Variants in FYTTD1 observed in about 807,000 individuals in gnomAD.
FYTTD1 encodes the protein UAP56-interacting factor.
FYTTD1 carries 22 observed loss-of-function variants against 40.9 expected under a neutral mutation model. The ratio of observed to expected loss-of-function variants is 0.54; its 90% CI spans 0.38 to 0.77. The LOEUF (loss-of-function observed/expected upper bound fraction) is 0.77, where lower values mean the gene tolerates loss of function less well. Ranked by LOEUF, FYTTD1 falls within the 30% of genes least tolerant of loss-of-function variation. The pLI, the probability that FYTTD1 is intolerant of heterozygous loss-of-function variation, is 0.00. For missense variants in FYTTD1, 351 were observed against 392.2 expected (o/e 0.90, Z 0.89); for synonymous variants, 140 against 137.9 (o/e 1.01, Z -0.10).
chr3:197,774,722 G>A (rs545001595), intron 6 of FYTTD1, among the ~76,000 whole-genome samples: 1 of 151,322 alleles, frequency 6.6e-6, no homozygotes, highest in African/African-American at 2.4e-5. Context: ...ACCAGCCTGA[G>A]CAGCATAGCT....
intron 8 of FYTTD1, among the ~76,000 whole-genome samples, chr3:197,779,131 C>T (rs1448284831): frequency 1.3e-5 from 2 of 152,130 alleles, no homozygotes; most frequent in Non-Finnish European, 2.9e-5. Flanking sequence ...ATTGTCAAAA[C>T]CAACCAGGTG....
At chr3:197,778,614 C>CAT (rs1216744014) in intron 8 of FYTTD1, 150 bp downstream of exon 8, 3 of 589,550 alleles carry the variant, frequency 5.1e-6, no homozygotes, top group Admixed American at 6.5e-5. Context: ...TGCCATTTGC[C>CAT]TATTTTGACA....
At chr3:197,781,426 A>C (rs1240221491) in intron 8 of FYTTD1, among the ~76,000 whole-genome samples, 2 of 151,982 alleles carry the variant, frequency 1.3e-5, no homozygotes, top group African/African-American at 2.4e-5. Context: ...AAAAAAAAAA[A>C]CAGATTTTCA....
chr3:197,773,318 G>T, intron 4 of FYTTD1, 85 bp from the exon 5 acceptor site: 8 of 742,968 alleles, frequency 1.1e-5, no homozygotes, highest in East Asian at 2.8e-5. Context: ...TGCAGCCTAT[G>T]AATTTAACTA....
intron 1 of FYTTD1, among the ~76,000 whole-genome samples, chr3:197,753,948 G>T (rs1456076123): frequency 2.0e-5 from 3 of 151,966 alleles, no homozygotes; most frequent in Non-Finnish European, 4.4e-5. Flanking sequence ...CACCATATTA[G>T]CCAGGATGGT....
chr3:197,772,184 G>C (rs1015866857), intron 4 of FYTTD1, among the ~76,000 whole-genome samples: 2 of 152,348 alleles, frequency 1.3e-5, no homozygotes, highest in African/African-American at 4.8e-5. Context: ...TACCTTTTGT[G>C]AAAGGGGACC....
chr3:197,753,625 G>C (rs1729130525), intron 1 of FYTTD1, among the ~76,000 whole-genome samples: 3 of 151,796 alleles, frequency 2.0e-5, no homozygotes, highest in Non-Finnish European at 4.4e-5. Context: ...TCTCGGCCAT[G>C]GTAGCTCATT....
At position 197,785,766 on chromosome 3, in the gene FYTTD1, A is replaced by G. The variant is rs929909520; in HGVS notation, c.*3857A>G. 1 of 152,180 alleles carries G rather than the reference A, an allele frequency of 6.6e-6. No individual in the cohort carries two copies. The highest frequency in any genetic ancestry group is 1.5e-5 in the Non-Finnish European group (1 of 68,028). 9.4% of individuals were successfully genotyped at this position (152,180 alleles called of 1,614,324 possible). Reference sequence around the variant, plus strand: ...CTTGGCAGCACAGAAAATGAATACCATATTGGCAATATTAAAGCAGAAAAT... The same window carrying G: ...CTTGGCAGCACAGAAAATGAATACCGTATTGGCAATATTAAAGCAGAAAAT... On this transcript the variant is annotated 3_prime_UTR_variant, in exon 9 of 9. Coordinates refer to ENST00000241502, the MANE Select transcript of FYTTD1 (RefSeq NM_032288.7).
chr3:197,763,569 G>A (rs1729453457), intron 2 of FYTTD1: 1 of 447,316 alleles, frequency 2.2e-6, no homozygotes, highest in Non-Finnish European at 4.5e-6. Context: ...TTAAGCCAAG[G>A]ACTTCAGGAC....
At chr3:197,765,880 C>G (rs566446146) in intron 2 of FYTTD1, among the ~76,000 whole-genome samples, 1 of 152,186 alleles carries the variant, frequency 6.6e-6, no homozygotes, top group South Asian at 2.1e-4. Context: ...CCTGTAGTAC[C>G]AGCTACTTGG....
At chr3:197,773,153 T>C (rs1729766120) in intron 4 of FYTTD1, among the ~76,000 whole-genome samples, 1 of 152,202 alleles carries the variant, frequency 6.6e-6, no homozygotes, top group Non-Finnish European at 1.5e-5. Flanking sequence ...ATATATGGGA[T>C]ATTAGAGGAT....
At chr3:197,778,220 C>G (rs751582335) in intron 7 of FYTTD1, 118 bp from the exon 8 acceptor site, 3 of 648,042 alleles carry the variant, frequency 4.6e-6, no homozygotes, top group Non-Finnish European at 7.2e-6. Context: ...TTTTTGAGAA[C>G]ACAAATAAAA....
In FYTTD1 at chr3:197,778,391, G is replaced by T; in HGVS notation, c.785G>T (p.Arg262Leu). 6.2e-7 allele frequency: 1 copy of T among 1,611,954 alleles called. No homozygotes were observed. Among genetic ancestry groups the T allele is most frequent in the Non-Finnish European group, 8.5e-7 (1 of 1,178,344 alleles). ...RTAVPSFLTK[R>L]EQSDVKKVPK... ...GCTGTACCTTCATTTTTAACAAAGC[G>T]GGAGCAAAGTGACGTCAAGAAAGTT... Residue 262 changes from arginine to leucine, a missense_variant, in exon 8 of 9, where the codon CGG becomes CTG. Physicochemically the swap from Arg to Leu is moderately radical, Grantham distance 102. Transcript: ENST00000241502.
At chr3:197,770,630 T>C (rs602446) in intron 4 of FYTTD1, among the ~76,000 whole-genome samples, 131,316 of 152,196 alleles carry the variant, frequency 0.86, 56,778 homozygotes, top group East Asian at 1. Context: ...CCTGGAGCCT[T>C]GGCCTGCCCT....
chr3:197,781,415 TA>T (rs745465857), intron 8 of FYTTD1, among the ~76,000 whole-genome samples: 4,567 of 146,298 alleles, frequency 0.031, 106 homozygotes, highest in African/African-American at 0.079. Flanking sequence ...CTGTTGTTAA[TA>T]AAAAAAAAAA....
At chr3:197,762,758 T>G (rs947222731) in intron 2 of FYTTD1, among the ~76,000 whole-genome samples, 1 of 152,014 alleles carries the variant, frequency 6.6e-6, no homozygotes, top group Non-Finnish European at 1.5e-5. Context: ...AGCGGGCACC[T>G]GTAGTCCCAG....
At position 197,786,637 on chromosome 3, in the gene FYTTD1, A is replaced by G. The variant is rs1204035084; in HGVS notation, c.*4728A>G. The G allele has an allele frequency of 6.6e-6, 1 of 152,202 alleles. No homozygotes were observed. The highest frequency in any genetic ancestry group is 1.5e-5 in the Non-Finnish European group (1 of 68,030). The allele number at this position is 152,202 out of a possible 1,614,324, so 9.4% of individuals were successfully genotyped here. A position where few individuals can be genotyped will look rare whatever the true frequency, so the allele number is the denominator to read the frequency against. On this transcript the variant is annotated 3_prime_UTR_variant, in exon 9 of 9. Coordinates refer to ENST00000241502, the MANE Select transcript of FYTTD1 (RefSeq NM_032288.7). Reference sequence around the variant, plus strand: ...CATATTGTCTGAATTTTCCTGTATAAAGTTTAAAAAAGTTAATTATTAGGA... The same window carrying G: ...CATATTGTCTGAATTTTCCTGTATAGAGTTTAAAAAAGTTAATTATTAGGA...
intron 2 of FYTTD1, among the ~76,000 whole-genome samples, chr3:197,766,028 T>C (rs1422034795): frequency 6.6e-6 from 1 of 151,144 alleles, no homozygotes; most frequent in Non-Finnish European, 1.5e-5. Flanking sequence ...CTGGGTGTGG[T>C]GGCAGGCACC....
intron 2 of FYTTD1, among the ~76,000 whole-genome samples, chr3:197,759,940 A>G (rs538114502): frequency 6.6e-6 from 1 of 151,370 alleles, no homozygotes; most frequent in African/African-American, 2.4e-5. Context: ...CTTCAGTGGT[A>G]GAATGTATAG....
Sources: allele counts gnomAD v4.1 joint callset (sites outside exome capture counted in the v4.1 genomes callset), GRCh38; gene constraint gnomAD v4.1.1; transcripts MANE v1.5; gene names NCBI Gene and HGNC (gene_info 2026-07-23, HGNC 2026-07-21).